Variants in SEPHS1 observed in about 807,000 individuals in gnomAD.
The protein encoded by SEPHS1 is selenophosphate synthetase 1, also known as zincore component SEPHS1.
In SEPHS1, 7 loss-of-function variants were observed where a neutral mutation model predicts 39.2. That is an observed-to-expected ratio of 0.18 (90% CI 0.10 to 0.34). The LOEUF (loss-of-function observed/expected upper bound fraction) is 0.34, where lower values mean the gene tolerates loss of function less well. Among genes scored for constraint, SEPHS1 ranks in the 10% least tolerant of loss-of-function variants. The probability of loss-of-function intolerance (pLI) is 1.00; values close to 1 mark genes in which losing one functional copy is unlikely to be tolerated. For missense variants in SEPHS1, 253 were observed against 514.5 expected (o/e 0.49, Z 4.92); for synonymous variants, 190 against 195.5 (o/e 0.97, Z 0.23).
In SEPHS1 at chr10:13,348,126, G is replaced by T; in HGVS notation, c.-205C>A. 6.9e-6 allele frequency: 1 copy of T among 145,274 alleles called. No individual in the cohort carries two copies. The highest frequency in any genetic ancestry group is 2.1e-4 in the South Asian group (1 of 4,796). 9.0% of individuals were successfully genotyped at this position (145,274 alleles called of 1,614,324 possible). ...AAATGCCGCGCCCGGCGGCGGCGGC[G>T]GCGGCGGGGGCCCGGGCCCGCGCCT... On this transcript the variant is annotated 5_prime_UTR_variant, in exon 1 of 9. Transcript: ENST00000327347.
chr10:13,331,878 A>G (rs926363952), intron 5 of SEPHS1, among the ~76,000 whole-genome samples: 2 of 152,254 alleles, frequency 1.3e-5, no homozygotes, highest in Admixed American at 1.3e-4. Flanking sequence ...GCTAGAATCC[A>G]AAAGACAGAC....
At chr10:13,327,560 T>C (rs1039912158) in intron 7 of SEPHS1, among the ~76,000 whole-genome samples, 1 of 152,148 alleles carries the variant, frequency 6.6e-6, no homozygotes, top group South Asian at 2.1e-4. Context: ...GTAGAAAAAA[T>C]GTATAAAATA....
intron 2 of SEPHS1, 25 bp downstream of exon 2, chr10:13,344,733 A>G (rs1430481272): frequency 6.9e-7 from 1 of 1,446,196 alleles, no homozygotes; most frequent in South Asian, 1.7e-5. Flanking sequence ...ATCGCAGACC[A>G]TCAAAGAAAC....
At chr10:13,335,952 C>A (rs1833617448) in intron 4 of SEPHS1, among the ~76,000 whole-genome samples, 1 of 149,174 alleles carries the variant, frequency 6.7e-6, no homozygotes. Flanking sequence ...TACACTCCAG[C>A]CTGGGCGACA....
At chr10:13,340,927 C>A (rs971362874) in intron 2 of SEPHS1, 2 of 152,174 alleles carry the variant, frequency 1.3e-5, no homozygotes, top group African/African-American at 4.8e-5. Flanking sequence ...ACAAAACAGA[C>A]AACTGATTTT....
At chr10:13,336,478 G>A (rs1244084398) in intron 3 of SEPHS1, 128 bp from the exon 4 acceptor site, 1 of 716,970 alleles carries the variant, frequency 1.4e-6, no homozygotes, top group Non-Finnish European at 2.5e-6. Flanking sequence ...CTAGGATGGG[G>A]TCCTCAGTTT....
At chr10:13,322,150 T>C (rs1360115849) in intron 8 of SEPHS1, 4 of 405,014 alleles carry the variant, frequency 9.9e-6, no homozygotes, top group African/African-American at 4.3e-5. Flanking sequence ...TTTCTTTTTT[T>C]TTTTTTTTTA....
chr10:13,321,294 T>C (rs1833106810), intron 8 of SEPHS1, among the ~76,000 whole-genome samples: 2 of 151,744 alleles, frequency 1.3e-5, no homozygotes, highest in South Asian at 2.1e-4. Context: ...TCGCCCAGGC[T>C]GTAGTGCAGT....
At position 13,333,717 on chromosome 10, in the gene SEPHS1, T is replaced by C. The variant is rs904005337; in HGVS notation, c.560+100A>G. 4.4e-5 allele frequency: 54 copies of C among 1,225,936 alleles called. 1 individual carries two copies. The highest frequency in any genetic ancestry group is 1.5e-4 in the African/African-American group (10 of 64,862). The allele number at this position is 1,225,936 out of a possible 1,614,324, so 75.9% of individuals were successfully genotyped here. ...CGGCCTACCAAAGTCTGGGATCATA[T>C]GTGTGAGCCACTGCACCTGACCTTA... is the stretch of plus-strand genomic sequence containing the variant. On this transcript the variant is annotated intron_variant, in intron 5 of 8. Coordinates refer to ENST00000327347, the MANE Select transcript of SEPHS1 (RefSeq NM_012247.5).
chr10:13,339,207 T>C (rs1833722047), intron 2 of SEPHS1, among the ~76,000 whole-genome samples: 1 of 152,230 alleles, frequency 6.6e-6, no homozygotes, highest in African/African-American at 2.4e-5. Flanking sequence ...ATAGTTATTG[T>C]GCGTACATCT....
At chr10:13,330,914 C>T (rs1833446875) in intron 5 of SEPHS1, among the ~76,000 whole-genome samples, 1 of 151,952 alleles carries the variant, frequency 6.6e-6, no homozygotes, top group East Asian at 1.9e-4. Flanking sequence ...TATACATGTG[C>T]CATGTTGGTT....
intron 6 of SEPHS1, among the ~76,000 whole-genome samples, chr10:13,329,032 G>T (rs1833387842): frequency 6.6e-6 from 1 of 152,144 alleles, no homozygotes; most frequent in Non-Finnish European, 1.5e-5. Context: ...TGTTTCTCAG[G>T]ACTGGTAGTT....
chr10:13,342,908 G>GT (rs1833836573), intron 2 of SEPHS1, among the ~76,000 whole-genome samples: 1 of 151,974 alleles, frequency 6.6e-6, no homozygotes, highest in East Asian at 1.9e-4. Context: ...GGTAACTTTT[G>GT]TATTTTTAGT....
chr10:13,345,059 G>A, intron 1 of SEPHS1, 31 bp from the exon 2 acceptor site: 1 of 1,020,454 alleles, frequency 9.8e-7, no homozygotes, highest in South Asian at 2.8e-5. Flanking sequence ...AAGATGCCAT[G>A]AAAAGAATTC....
intron 2 of SEPHS1, 121 bp from the exon 3 acceptor site, chr10:13,338,929 T>C (rs1833715025): frequency 1.4e-6 from 1 of 731,426 alleles, no homozygotes; most frequent in Admixed American, 2.1e-5. Context: ...AGGCTGCCAA[T>C]GAAGCCATGT....
chr10:13,338,132 C>A (rs1230311392), intron 3 of SEPHS1, among the ~76,000 whole-genome samples: 1 of 152,226 alleles, frequency 6.6e-6, no homozygotes, highest in Non-Finnish European at 1.5e-5. Context: ...TAGCCAGGAA[C>A]TTTAACTCAG....
chr10:13,342,029 C>T (rs1255345039), intron 2 of SEPHS1, among the ~76,000 whole-genome samples: 7 of 150,820 alleles, frequency 4.6e-5, no homozygotes, highest in African/African-American at 1.7e-4. Flanking sequence ...CCTGTAATCC[C>T]AGCACTTTGG....
intron 1 of SEPHS1, among the ~76,000 whole-genome samples, chr10:13,346,715 C>G (rs1035194017): frequency 6.6e-6 from 1 of 151,552 alleles, no homozygotes; most frequent in Non-Finnish European, 1.5e-5. Flanking sequence ...TCACCCCTAC[C>G]AGGAAAAAAA....
chr10:13,323,779 T>C lies in SEPHS1; in HGVS notation c.752-732A>G, dbSNP rs562109915. On this transcript the variant is annotated intron_variant, in intron 7 of 8. Transcript: ENST00000327347. ...TTTTAAGAGACAGAGTCTTGCTCTA[T>C]TGACCAGGCTGGAGTGCAGTGGCAT... Among the ~76,000 whole-genome samples the C allele has an allele frequency of 2.6e-5, 4 of 151,896 alleles. No homozygotes were observed. The South Asian group carries it at 8.3e-4, about 32-fold the overall frequency.
Sources: gnomAD v4.1 joint callset for allele counts (sites outside exome capture counted in the v4.1 genomes callset) on GRCh38, gnomAD v4.1.1 for gene constraint, MANE v1.5 for transcripts, NCBI Gene and HGNC (gene_info 2026-07-23, HGNC 2026-07-21) for gene names.